Variants in ZP4 observed in about 807,000 individuals in gnomAD.
ZP4 encodes the protein zona pellucida glycoprotein 4, also known as zona pellucida sperm-binding protein 4.
In ZP4, 62 loss-of-function variants were observed where a neutral mutation model predicts 62.3. The ratio of observed to expected loss-of-function variants is 0.99; its 90% CI spans 0.81 to 1.23. The LOEUF is 1.23. ZP4 is among the 50% of genes most tolerant of loss of function. ZP4 has a pLI of 0.00. For missense variants in ZP4, 774 were observed against 656.0 expected, an observed-to-expected ratio of 1.18 and a Z score of -1.97; for synonymous variants, 289 against 247.3, an observed-to-expected ratio of 1.17 and a Z score of -1.58.
chr1:237,887,532 A>AAT lies in ZP4; in HGVS notation c.581_582dup (p.Phe195IlefsTer10), dbSNP rs756976914. 14 of 1,614,032 alleles carry AAT rather than the reference A, an allele frequency of 8.7e-6. No individual in the cohort carries two copies. The East Asian group carries it at 3.1e-4, about 36-fold the overall frequency. ...ACGTTCCGAGACACAGCAATAGAGA[A>AAT]ATGGCCCTCTCGGGTACAATGCAAG... On this transcript the variant is annotated frameshift_variant, in exon 5 of 12. Coordinates refer to ENST00000366570, the MANE Select transcript of ZP4 (RefSeq NM_021186.5). LOFTEE classifies it high-confidence loss of function.
intron 7 of ZP4, 34 bp from the exon 8 acceptor site, chr1:237,885,614 A>G: frequency 6.2e-7 from 1 of 1,606,088 alleles, no homozygotes; most frequent in Non-Finnish European, 8.5e-7. Context: ...TTGAAGTAGT[A>G]ATCTCTCAGT....
At chr1:237,888,298 G>C (rs1054781259) in intron 4 of ZP4, 60 bp downstream of exon 4, 1 of 1,457,820 alleles carries the variant, frequency 6.9e-7, no homozygotes, top group Non-Finnish European at 9.2e-7. Context: ...CCCCTCTCTG[G>C]GTTTCATTGT....
Position 237,885,591 on chromosome 1 carries a change from C to A in ZP4, c.971-11G>T. Reference sequence around the variant, plus strand: ...AGCCATAGTTTTTATCTGCAAGAGGCAGAAATAAGGATTTGAAGTAGTAAT... The same window carrying A: ...AGCCATAGTTTTTATCTGCAAGAGGAAGAAATAAGGATTTGAAGTAGTAAT... On this transcript the variant is annotated splice_polypyrimidine_tract_variant and intron_variant, in intron 7 of 11. Coordinates refer to ENST00000366570, the MANE Select transcript of ZP4 (RefSeq NM_021186.5). The A allele has an allele frequency of 6.2e-7, 1 of 1,611,074 alleles. No individual in the cohort carries two copies. The highest frequency in any genetic ancestry group is 1.1e-5 in the South Asian group (1 of 90,474).
At chr1:237,883,717 G>GAGA (rs1345746870) in intron 10 of ZP4, among the ~76,000 whole-genome samples, 1 of 60,372 alleles carries the variant, frequency 1.7e-5, no homozygotes, top group Admixed American at 1.5e-4. Flanking sequence ...GGGAGGGCGG[G>GAGA]GGAGGGCGGG....
At chr1:237,884,017 A>ACACAAACAC (rs1665026966) in intron 10 of ZP4, among the ~76,000 whole-genome samples, 4 of 87,946 alleles carry the variant, frequency 4.5e-5, no homozygotes, top group Non-Finnish European at 9.2e-5. Flanking sequence ...CACACACACA[A>ACACAAACAC]ACACACACAC....
intron 10 of ZP4, among the ~76,000 whole-genome samples, chr1:237,883,969 C>CAA (rs1558530677): frequency 2.7e-4 from 15 of 56,136 alleles, no homozygotes; most frequent in Non-Finnish European, 3.7e-4. Flanking sequence ...CACACACAAA[C>CAA]ACACACACAC....
intron 10 of ZP4, among the ~76,000 whole-genome samples, chr1:237,883,692 G>GAAGA (rs1664980917): frequency 4.8e-5 from 1 of 20,936 alleles, no homozygotes; most frequent in African/African-American, 3.8e-4. Context: ...GGCGGGGGAG[G>GAAGA]GCGGGGGAGG....
At chr1:237,887,128 T>A (rs959390620) in intron 5 of ZP4, among the ~76,000 whole-genome samples, 1 of 152,160 alleles carries the variant, frequency 6.6e-6, no homozygotes, top group Non-Finnish European at 1.5e-5. Flanking sequence ...CCCTGCTGGT[T>A]TCTTCTCTAT....
chr1:237,886,467 G>A (rs1190343331), intron 6 of ZP4, among the ~76,000 whole-genome samples: 2 of 152,112 alleles, frequency 1.3e-5, no homozygotes, highest in Non-Finnish European at 2.9e-5. Flanking sequence ...CTACAGCATG[G>A]ACAGTGGAGA....
rs944776918 is a variant in ZP4 at position 237,885,752 on chromosome 1, A to G, written c.970+4T>C. Reference sequence around the variant, plus strand: ...GCCAGATACTCCAGCCAAGGGGGTCATACCTTTGGCAATCTGAAGTTCCAG... The same window carrying G: ...GCCAGATACTCCAGCCAAGGGGGTCGTACCTTTGGCAATCTGAAGTTCCAG... On this transcript the variant is annotated splice_donor_region_variant and intron_variant, in intron 7 of 11. Coordinates refer to ENST00000366570, the MANE Select transcript of ZP4 (RefSeq NM_021186.5). 6.2e-7 allele frequency: 1 copy of G among 1,613,920 alleles called. No individual in the cohort carries two copies. The highest frequency in any genetic ancestry group is 8.5e-7 in the Non-Finnish European group (1 of 1,179,982).
At chr1:237,889,568 C>A (rs935181664) in intron 3 of ZP4, among the ~76,000 whole-genome samples, 2 of 152,120 alleles carry the variant, frequency 1.3e-5, no homozygotes, top group Non-Finnish European at 2.9e-5. Flanking sequence ...CTGCCTCAGC[C>A]TCCCAAAGTG....
rs1198395623 is a variant in ZP4, at chr1:237,889,976, A to C, written c.298-7T>G. On this transcript the variant is annotated splice_polypyrimidine_tract_variant and splice_region_variant and intron_variant, in intron 2 of 11. Coordinates refer to ENST00000366570, the MANE Select transcript of ZP4 (RefSeq NM_021186.5). The stretch of plus-strand genomic sequence containing the variant: ...GCATGATGTAGTGGGAGTCCTGGAG[A>C]GACAGGCCCTTGGGGGTCAGCCTGG... 7 of 1,614,042 alleles carry C rather than the reference A, an allele frequency of 4.3e-6. No individual in the cohort carries two copies. The South Asian group carries it at 6.6e-5, about 15-fold the overall frequency.
Position 237,887,478 on chromosome 1 carries a change from C to G in ZP4, c.637G>C (p.Val213Leu). The change falls in exon 5 of 12, where the codon GTG becomes CTG. Residue 213 changes from valine (V) to leucine (L), a missense_variant. Physicochemically the swap from Val to Leu is conservative, Grantham distance 32. Coordinates refer to ENST00000366570, the MANE Select transcript of ZP4 (RefSeq NM_021186.5). ...VTSPPLLLDSVRLALRNDSAC... is the reference protein window; with the variant it reads ...VTSPPLLLDSLRLALRNDSAC... The stretch of plus-strand genomic sequence containing the variant: ...CTGTCATTCCTAAGGGCCAAGCGCA[C>G]AGAATCCAAGAGCAGTGGTGGCGAG... 6.2e-7 allele frequency: 1 copy of G among 1,614,218 alleles called. No homozygotes were observed. The highest frequency in any genetic ancestry group is 8.5e-7 in the Non-Finnish European group (1 of 1,180,044).
rs773460821 is a variant in ZP4, at chr1:237,889,922, A to G, written c.345T>C (p.Ala115=). 3 of 1,613,634 alleles carry G rather than the reference A, an allele frequency of 1.9e-6. No individual in the cohort carries two copies. Among genetic ancestry groups the G allele is most frequent in the Non-Finnish European group, 2.5e-6 (3 of 1,179,992 alleles). ...TCCTCTCTGTAACCACCTTGTGTTC[A>G]GCCGCGCCTGCTCCTTCAACTCCAA... ...MPVGVEGAGA[A]EHKVVTERKL... The change falls in exon 3 of 12, where the codon GCT becomes GCC. Residue 115 remains alanine (A), a synonymous_variant. Transcript: ENST00000366570.
chr1:237,890,397 A>G, intron 1 of ZP4, 64 bp downstream of exon 1: 1 of 1,545,642 alleles, frequency 6.5e-7, no homozygotes, highest in Non-Finnish European at 8.8e-7. Flanking sequence ...AGATAGGGAG[A>G]CATCTTAGGT....
intron 11 of ZP4, 60 bp from the exon 12 acceptor site, chr1:237,882,609 G>A: frequency 6.4e-7 from 1 of 1,571,400 alleles, no homozygotes; most frequent in Non-Finnish European, 8.6e-7. Context: ...TCTGTGTCCT[G>A]ACAAAGACTA....
chr1:237,883,809 G>GAGGAAGAGAGA (rs1417887669), intron 10 of ZP4, among the ~76,000 whole-genome samples: 6 of 147,964 alleles, frequency 4.1e-5, no homozygotes, highest in African/African-American at 1.3e-4. Flanking sequence ...GAGGAAGAGA[G>GAGGAAGAGAGA]GGAGAAAGGC....
At position 237,888,413 on chromosome 1, in the gene ZP4, C is replaced by T; in HGVS notation, c.498G>A (p.Gly166=). ...CTTCAGAGCTATAACAACAGCCTAG[C>T]CCTTCACAGTCTCCTCGAGAGATGG... The part of the protein sequence containing the change: ...PSPISRGDCE[G]LGCCYSSEEV... The change falls in exon 4 of 12, where the codon GGG becomes GGA. Residue 166 remains glycine (G), a synonymous_variant. Transcript: ENST00000366570. The T allele has an allele frequency of 3.1e-6, 5 of 1,611,148 alleles. No homozygotes were observed. The highest frequency in any genetic ancestry group is 4.2e-6 in the Non-Finnish European group (5 of 1,178,066).
In ZP4 at chr1:237,883,752, G is replaced by GAA. The variant is rs1391019520; in HGVS notation, c.1391-907_1391-906insTT. ...GGGAGGGAGAGAGAGGGAGAGAGAG[G>GAA]GAGAGAGAGGGAGAGAGAGGAAGAG... On this transcript the variant is annotated intron_variant, in intron 10 of 11. Coordinates refer to ENST00000366570, the MANE Select transcript of ZP4 (RefSeq NM_021186.5). 4.1e-4 allele frequency among the ~76,000 whole-genome samples: 51 copies of GAA among 123,034 alleles called. 2 individuals carry two copies. Among genetic ancestry groups the GAA allele is most frequent in the African/African-American group, 7.1e-4 (22 of 30,996 alleles). 80.7% of individuals were successfully genotyped at this position (123,034 alleles called of 152,430 possible). A position where few individuals can be genotyped will look rare whatever the true frequency, so the allele number is the denominator to read the frequency against.
Sources: gnomAD v4.1 joint callset for allele counts (sites outside exome capture counted in the v4.1 genomes callset) on GRCh38, gnomAD v4.1.1 for gene constraint, MANE v1.5 for transcripts, NCBI Gene and HGNC (gene_info 2026-07-23, HGNC 2026-07-21) for gene names.